Variants in PTHLH observed in about 807,000 individuals in gnomAD.
The protein encoded by PTHLH is parathyroid hormone-related protein.
PTHLH carries 5 observed loss-of-function variants against 18.6 expected under a neutral mutation model. The observed-to-expected ratio is 0.27, with a 90% CI of 0.14 to 0.56. PTHLH has a LOEUF of 0.56. Among genes scored for constraint, PTHLH ranks in the 20% least tolerant of loss-of-function variants. PTHLH has a pLI of 0.92. For missense variants in PTHLH, 207 were observed against 223.9 expected, an observed-to-expected ratio of 0.92 and a Z score of 0.48; for synonymous variants, 90 against 94.0, an observed-to-expected ratio of 0.96 and a Z score of 0.25.
At chr12:27,963,028 T>G in intron 5 of PTHLH, 1 of 1,237,668 alleles carries the variant, frequency 8.1e-7, no homozygotes, top group Non-Finnish European at 1.0e-6. Flanking sequence ...CAGCAAATTA[T>G]GAAGATGGTC....
chr12:27,967,572 C>T (rs1305876494), intron 4 of PTHLH, among the ~76,000 whole-genome samples: 2 of 152,168 alleles, frequency 1.3e-5, no homozygotes, highest in African/African-American at 4.8e-5. Context: ...AAAATAATGA[C>T]TTGTTTTTAA....
chr12:27,962,877 T>C, intron 5 of PTHLH: 2 of 994,510 alleles, frequency 2.0e-6, no homozygotes, highest in Non-Finnish European at 2.4e-6. Context: ...GAATCGTTTA[T>C]GACATGATGC....
chr12:27,963,648 G>A lies in PTHLH; in HGVS notation c.224C>T (p.Thr75Ile). 5 of 1,614,024 alleles carry A rather than the reference G, an allele frequency of 3.1e-6. No homozygotes were observed. The highest frequency in any genetic ancestry group is 1.7e-5 in the Admixed American group (1 of 60,012). ...AEIHTAEIRA[T>I]SEVSPNSKPS... The stretch of plus-strand genomic sequence containing the variant: ...CTTGGAGTTAGGGGACACCTCCGAG[G>A]TAGCTCTGATTTCAGCTGTGTGGAT... Residue 75 changes from threonine to isoleucine, a missense_variant, in exon 5 of 6, where the codon ACC (threonine) becomes ATC (isoleucine). By Grantham distance (89) the Thr-to-Ile change is moderately conservative. Coordinates refer to ENST00000545234, the MANE Select transcript of PTHLH (RefSeq NM_198965.2).
chr12:27,961,322 C>CACGTATATATATATATATAT (rs2062757743), intron 5 of PTHLH, among the ~76,000 whole-genome samples: 1 of 101,276 alleles, frequency 9.9e-6, no homozygotes, highest in African/African-American at 3.8e-5. Context: ...TATATATATA[C>CACGTATATATATATATATAT]GTATATATAT....
intron 5 of PTHLH, chr12:27,961,903 A>G: frequency 1.4e-6 from 1 of 714,166 alleles, no homozygotes; most frequent in South Asian, 1.5e-5. Flanking sequence ...TAAAGAAGTA[A>G]CAGGGGACTC....
At chr12:27,964,705 A>G (rs1267249676) in intron 4 of PTHLH, among the ~76,000 whole-genome samples, 1 of 152,206 alleles carries the variant, frequency 6.6e-6, no homozygotes, top group South Asian at 2.1e-4. Flanking sequence ...TTCTCTAGGA[A>G]AAAATATAAA....
chr12:27,971,158 CA>C (rs1565526715), intron 2 of PTHLH, among the ~76,000 whole-genome samples: 1 of 151,980 alleles, frequency 6.6e-6, no homozygotes, highest in Admixed American at 6.5e-5. Flanking sequence ...CCCTCCCCCT[CA>C]AAAGTCCCAG....
At position 27,964,604 on chromosome 12, in the gene PTHLH, G is replaced by GT. The variant is rs142986279; in HGVS notation, c.102-835dup. Reference sequence around the variant, plus strand: ...TCATTCTATTTCTTCTGTGCTTCATGTTTTTTTTTTAAATTTAGAACTTCA... The same window carrying GT: ...TCATTCTATTTCTTCTGTGCTTCATGTTTTTTTTTTTAAATTTAGAACTTCA... On this transcript the variant is annotated intron_variant, in intron 4 of 5. Coordinates refer to ENST00000545234, the MANE Select transcript of PTHLH (RefSeq NM_198965.2). Among the ~76,000 whole-genome samples the GT allele has an allele frequency of 8.9e-3, 1,323 of 149,212 alleles. 10 individuals carry two copies. The highest frequency in any genetic ancestry group is 0.014 in the Middle Eastern group (4 of 282).
rs902947083 is a variant in PTHLH, at chr12:27,970,227, G to C, written c.-225C>G. On this transcript the variant is annotated 5_prime_UTR_variant, in exon 3 of 6. Coordinates refer to ENST00000545234, the MANE Select transcript of PTHLH (RefSeq NM_198965.2). ...GGGCGGCGCAGGTTGGAGGCGAGTT[G>C]AAAACCGAGCGGAGGAATGTTCACA... 2.1e-6 allele frequency: 1 copy of C among 484,936 alleles called. No homozygotes were observed. Among genetic ancestry groups the C allele is most frequent in the Non-Finnish European group, 4.1e-6 (1 of 244,032 alleles). The allele number at this position is 484,936 out of a possible 1,614,324, so 30.0% of individuals were successfully genotyped here. A position where few individuals can be genotyped will look rare whatever the true frequency, so the allele number is the denominator to read the frequency against.
At position 27,958,392 on chromosome 12, in the gene PTHLH, A is replaced by AC. The variant is rs2062728815; in HGVS notation, c.*166_*167insG. The AC allele has an allele frequency of 3.7e-6, 2 of 543,662 alleles. No individual in the cohort carries two copies. Among genetic ancestry groups the AC allele is most frequent in the Non-Finnish European group, 5.9e-6 (2 of 337,366 alleles). The allele number at this position is 543,662 out of a possible 1,614,324, so 33.7% of individuals were successfully genotyped here. On this transcript the variant is annotated 3_prime_UTR_variant, in exon 6 of 6. Transcript: ENST00000545234. ...ATAATTGGATTAGCCTTGGCAAAAAAAAAATATTCACAATGACCAATGTGC... is the reference window on the plus strand; with the variant it reads ...ATAATTGGATTAGCCTTGGCAAAAAACAAAATATTCACAATGACCAATGTGC...
intron 1 of PTHLH, 65 bp from the exon 2 acceptor site, chr12:27,972,084 G>T (rs1187565400): frequency 1.4e-5 from 2 of 138,914 alleles, no homozygotes; most frequent in South Asian, 4.7e-4. Flanking sequence ...ATACTTGCAA[G>T]TTGTTTAACA....
Position 27,969,532 on chromosome 12 carries a change from A to C in PTHLH, c.-22-16T>G. On this transcript the variant is annotated splice_polypyrimidine_tract_variant and intron_variant, in intron 3 of 5. Coordinates refer to ENST00000545234, the MANE Select transcript of PTHLH (RefSeq NM_198965.2). ...CGCTCGGGACCTGCAACAGAAGGGA[A>C]TGGGACCCGAGTGTCAGTCTGGACT... 1 of 1,538,082 alleles carries C rather than the reference A, an allele frequency of 6.5e-7. No homozygotes were observed. Among genetic ancestry groups the C allele is most frequent in the South Asian group, 1.2e-5 (1 of 84,632 alleles).
At chr12:27,972,410 A>G (rs1237762479) in intron 1 of PTHLH, 113 bp downstream of exon 1, 2 of 152,168 alleles carry the variant, frequency 1.3e-5, no homozygotes, top group African/African-American at 4.8e-5. Flanking sequence ...ACATCTATCA[A>G]ATATTTTTAG....
At chr12:27,969,324 G>A in intron 4 of PTHLH, 70 bp downstream of exon 4, 2 of 1,418,834 alleles carry the variant, frequency 1.4e-6, no homozygotes, top group South Asian at 1.2e-5. Flanking sequence ...GCCCTCGGCA[G>A]CATCCCAGCT....
At chr12:27,964,615 A>T (rs1312483189) in intron 4 of PTHLH, among the ~76,000 whole-genome samples, 1 of 151,198 alleles carries the variant, frequency 6.6e-6, no homozygotes, top group Non-Finnish European at 1.5e-5. Context: ...TTTTTTTTTT[A>T]AATTTAGAAC....
chr12:27,965,129 T>G (rs1279634931), intron 4 of PTHLH, among the ~76,000 whole-genome samples: 2 of 152,208 alleles, frequency 1.3e-5, no homozygotes, highest in Non-Finnish European at 2.9e-5. Context: ...ATTGTATTCA[T>G]GGGGAAAGTG....
At chr12:27,969,298 T>TCGGTGAC in intron 4 of PTHLH, 96 bp downstream of exon 4, 1 of 1,235,026 alleles carries the variant, frequency 8.1e-7, no homozygotes. Context: ...GCAAGGAGCA[T>TCGGTGAC]CGGTGACCGC....
intron 4 of PTHLH, among the ~76,000 whole-genome samples, chr12:27,967,993 G>A (rs2062831818): frequency 6.6e-6 from 1 of 152,082 alleles, no homozygotes; most frequent in Admixed American, 6.5e-5. Flanking sequence ...GTATTTCTTA[G>A]CCAAATAAAT....
At chr12:27,959,109 A>T (rs1375101422) in intron 5 of PTHLH, among the ~76,000 whole-genome samples, 3 of 152,256 alleles carry the variant, frequency 2.0e-5, no homozygotes, top group Admixed American at 6.5e-5. Context: ...AAGGATGTGT[A>T]GTTAAATAGA....
Sources: gnomAD v4.1 joint callset for allele counts (sites outside exome capture counted in the v4.1 genomes callset) on GRCh38, gnomAD v4.1.1 for gene constraint, MANE v1.5 for transcripts, NCBI Gene and HGNC (gene_info 2026-07-23, HGNC 2026-07-21) for gene names.